The following KANSL1 variants were observed in gnomAD, a reference collection of about 807,000 sequenced individuals.
KANSL1 encodes MLL1/MLL complex subunit KANSL1.
In KANSL1, 22 loss-of-function variants were observed where a neutral mutation model predicts 103.6. The observed-to-expected ratio is 0.21, with a 90% CI of 0.15 to 0.30. KANSL1 has a LOEUF of 0.30. Among genes scored for constraint, KANSL1 ranks in the 10% least tolerant of loss-of-function variants. The pLI is 1.00. For missense variants in KANSL1, 1,337 were observed against 1,399.8 expected, an observed-to-expected ratio of 0.96 and a Z score of 0.72; for synonymous variants, 600 against 527.6, an observed-to-expected ratio of 1.14 and a Z score of -1.88.
chr17:46,041,912 A>AT (rs2077336609), intron 7 of KANSL1: 1 of 108,454 alleles, frequency 9.2e-6, no homozygotes, highest in African/African-American at 4.3e-5. Flanking sequence ...GTGTGTGTGT[A>AT]TATTTTTTTT....
intron 1 of KANSL1, among the ~76,000 whole-genome samples, chr17:46,178,953 A>T (rs116738944): frequency 7.2e-5 from 11 of 152,220 alleles, no homozygotes; most frequent in Non-Finnish European, 1.6e-4. Flanking sequence ...ACTTCTACCT[A>T]ACACAAGTGG....
chr17:46,114,291 G>A (rs571583386), intron 2 of KANSL1, among the ~76,000 whole-genome samples: 8 of 152,256 alleles, frequency 5.3e-5, no homozygotes, highest in South Asian at 4.1e-4. Flanking sequence ...CCCAGGAGGC[G>A]GAGGTTGCAG....
At chr17:46,109,059 C>G (rs1044391555) in intron 2 of KANSL1, among the ~76,000 whole-genome samples, 1 of 152,184 alleles carries the variant, frequency 6.6e-6, no homozygotes, top group African/African-American at 2.4e-5. Context: ...AGCAACCACT[C>G]TCACCTCAGT....
At chr17:46,116,401 G>A (rs1444508977) in intron 2 of KANSL1, among the ~76,000 whole-genome samples, 4 of 152,106 alleles carry the variant, frequency 2.6e-5, no homozygotes, top group Admixed American at 6.5e-5. Context: ...GTGGTGGTGC[G>A]TGCCTGTACT....
At chr17:46,224,259 G>C (rs2048616297), upstream of KANSL1, among the ~76,000 whole-genome samples, 1 of 152,202 alleles carries the variant, frequency 6.6e-6, no homozygotes. Context: ...ACCTATTCTT[G>C]ACTGAAGTAC....
rs139625846 is a variant in KANSL1, at chr17:46,162,183, T to C, written c.1289+8672A>G. 9.8e-5 allele frequency among the ~76,000 whole-genome samples: 15 copies of C among 152,300 alleles called. No homozygotes were observed. In the East Asian group the frequency reaches 1.4e-3, roughly 14 times the overall value. On this transcript the variant is annotated intron_variant, in intron 2 of 14. Transcript: ENST00000432791. ...AAGCATAATTTTCCCAGATGCACAA[T>C]AGAAAATTGGAGAAAGATAATTCAC...
chr17:46,062,526 T>C (rs1020893382), intron 6 of KANSL1, among the ~76,000 whole-genome samples: 10 of 150,992 alleles, frequency 6.6e-5, no homozygotes, highest in African/African-American at 2.4e-4. Flanking sequence ...GCCCAGCTAA[T>C]TTTTGTATTT....
intron 1 of KANSL1, among the ~76,000 whole-genome samples, chr17:46,177,581 A>G (rs1486186827): frequency 3.9e-5 from 6 of 152,240 alleles, no homozygotes; most frequent in Non-Finnish European, 4.4e-5. Context: ...AAAAAGTTAC[A>G]AAACAAAACA....
intron 3 of KANSL1, among the ~76,000 whole-genome samples, chr17:46,092,179 G>A (rs2079421998): frequency 6.6e-6 from 1 of 152,208 alleles, no homozygotes; most frequent in Admixed American, 6.5e-5. Context: ...ACGCACCAAT[G>A]AAATCACCTA....
intron 2 of KANSL1, among the ~76,000 whole-genome samples, chr17:46,114,816 A>T (rs1490373402): frequency 2.6e-5 from 4 of 152,264 alleles, no homozygotes; most frequent in Admixed American, 6.5e-5. Context: ...ATTAAGGTTT[A>T]TCAGACAAGT....
intron 1 of KANSL1, among the ~76,000 whole-genome samples, chr17:46,214,699 C>G (rs2048286628): frequency 6.6e-6 from 1 of 152,164 alleles, no homozygotes; most frequent in African/African-American, 2.4e-5. Flanking sequence ...GGATAAAAGA[C>G]AAGAGCAAGT....
intron 7 of KANSL1, chr17:46,050,317 G>C (rs2077667841): frequency 1.7e-6 from 1 of 581,036 alleles, no homozygotes; most frequent in Admixed American, 3.0e-5. Flanking sequence ...TGAAGAGTTA[G>C]AAGGAAATCT....
At chr17:46,153,757 A>T (rs2147520499) in intron 2 of KANSL1, among the ~76,000 whole-genome samples, 1 of 152,378 alleles carries the variant, frequency 6.6e-6, no homozygotes, top group African/African-American at 2.4e-5. Context: ...AAAATAAAGT[A>T]TCAATACAAA....
At chr17:46,093,633 T>A (rs1408348936) in intron 3 of KANSL1, 1 of 152,662 alleles carries the variant, frequency 6.6e-6, no homozygotes, top group African/African-American at 2.4e-5. Context: ...TTGATCAACC[T>A]TCAACTTTTG....
intron 2 of KANSL1, among the ~76,000 whole-genome samples, chr17:46,118,601 T>C (rs1021833222): frequency 2.0e-5 from 3 of 152,240 alleles, no homozygotes; most frequent in Non-Finnish European, 2.9e-5. Context: ...TTCTAGGTGA[T>C]GGTCCAAAGA....
At chr17:46,205,216 A>G (rs1422638222) in intron 1 of KANSL1, among the ~76,000 whole-genome samples, 1 of 152,250 alleles carries the variant, frequency 6.6e-6, no homozygotes, top group Non-Finnish European at 1.5e-5. Flanking sequence ...AGAAAATCCT[A>G]AGAAAATCCC....
chr17:46,092,121 C>T (rs941900694), intron 3 of KANSL1, among the ~76,000 whole-genome samples: 1 of 152,200 alleles, frequency 6.6e-6, no homozygotes, highest in African/African-American at 2.4e-5. Flanking sequence ...AGGCGTGAGC[C>T]ACTGCGCACG....
At chr17:46,072,555 T>C (rs766836802) in intron 4 of KANSL1, among the ~76,000 whole-genome samples, 1 of 152,146 alleles carries the variant, frequency 6.6e-6, no homozygotes, top group Non-Finnish European at 1.5e-5. Context: ...ATTTCAATGA[T>C]ACTGAGCATA....
At chr17:46,181,434 T>G (rs1478791920) in intron 1 of KANSL1, among the ~76,000 whole-genome samples, 2 of 136,944 alleles carry the variant, frequency 1.5e-5, no homozygotes, top group Non-Finnish European at 3.0e-5. Context: ...TTCCTCACAC[T>G]TTTTTTTTTT....
Sources: gnomAD v4.1 joint callset for allele counts (sites outside exome capture counted in the v4.1 genomes callset) on GRCh38, gnomAD v4.1.1 for gene constraint, MANE v1.5 for transcripts, NCBI Gene and HGNC (gene_info 2026-07-23, HGNC 2026-07-21) for gene names.